The following PPM1A variants were observed in gnomAD, a reference collection of about 807,000 sequenced individuals.
PPM1A encodes protein phosphatase 1A.
PPM1A carries 7 observed loss-of-function variants against 35.0 expected under a neutral mutation model. The ratio of observed to expected loss-of-function variants is 0.20; its 90% CI spans 0.11 to 0.38. The LOEUF is 0.38. PPM1A is among the 10% of genes least tolerant of loss of function. The probability of loss-of-function intolerance (pLI) is 1.00; values close to 1 mark genes in which losing one functional copy is unlikely to be tolerated. For missense variants in PPM1A, 239 were observed against 467.8 expected (o/e 0.51, Z 4.51); for synonymous variants, 153 against 167.3 (o/e 0.91, Z 0.66).
At chr14:60,275,338 C>G (rs1479826382) in intron 1 of PPM1A, among the ~76,000 whole-genome samples, 3 of 151,878 alleles carry the variant, frequency 2.0e-5, no homozygotes, top group Non-Finnish European at 4.4e-5. Context: ...TACTGATGAA[C>G]CAGCTTTGTA....
At chr14:60,267,550 G>T (rs1884540075) in intron 1 of PPM1A, among the ~76,000 whole-genome samples, 1 of 151,942 alleles carries the variant, frequency 6.6e-6, no homozygotes, top group Admixed American at 6.6e-5. Flanking sequence ...AAATTTTATA[G>T]AAGGATTATG....
intron 1 of PPM1A, among the ~76,000 whole-genome samples, chr14:60,265,866 CA>C (rs140130724): frequency 6.6e-4 from 100 of 152,328 alleles, no homozygotes; most frequent in Non-Finnish European, 6.8e-4. Context: ...GAGCCTTCAT[CA>C]CCCAGTTACT....
In PPM1A at chr14:60,289,189, G is replaced by T. The variant is rs1294001214; in HGVS notation, c.953-617G>T. On this transcript the variant is annotated intron_variant, in intron 3 of 5. Transcript: ENST00000395076. This position sits in a 1 kb window ranked among gnomAD's most constrained non-coding sequence, Gnocchi z 4.1. ...AGGCTTTGTTGAAGTAATCAGTGAA[G>T]GAAATGGTATTATATATCTATACAG... Among the ~76,000 whole-genome samples, 1 of 151,984 alleles carries T rather than the reference G, an allele frequency of 6.6e-6. No individual in the cohort carries two copies. Among genetic ancestry groups the T allele is most frequent in the Admixed American group, 6.6e-5 (1 of 15,256 alleles).
chr14:60,256,015 A>G (rs1255614997), intron 1 of PPM1A, among the ~76,000 whole-genome samples: 1 of 152,272 alleles, frequency 6.6e-6, no homozygotes, highest in Non-Finnish European at 1.5e-5. Flanking sequence ...GATAACTATC[A>G]GCTGATTTAA....
chr14:60,251,475 G>A (rs188419137), intron 1 of PPM1A, among the ~76,000 whole-genome samples: 1 of 152,348 alleles, frequency 6.6e-6, no homozygotes, highest in East Asian at 1.9e-4. Flanking sequence ...GACAAGGATT[G>A]TTTAGTCATG....
rs1358772480 is a variant in PPM1A, at chr14:60,285,647, G to C, written c.858G>C (p.Val286=). The change falls in exon 3 of 6, where the codon GTG becomes GTC. Residue 286 remains valine (V), a synonymous_variant. Transcript: ENST00000395076. ...AGGGAAGTCGAGACAACATGAGTGT[G>C]ATTTTGATCTGTTTTCCAAATGCAC... The part of the protein sequence containing the change: ...LYKGSRDNMS[V]ILICFPNAPK... 6.2e-7 allele frequency: 1 copy of C among 1,613,698 alleles called. No homozygotes were observed. The highest frequency in any genetic ancestry group is 2.2e-5 in the East Asian group (1 of 44,870).
Position 60,292,326 on chromosome 14 carries a change from A to T in PPM1A, c.1120-127A>T, listed in dbSNP as rs897069622. ...GTACACATATATACTTATATACTTT[A>T]AAAAACATTTATATTCTAAAAGTCA... On this transcript the variant is annotated intron_variant, in intron 5 of 5. Coordinates refer to ENST00000395076, the MANE Select transcript of PPM1A (RefSeq NM_021003.5). The surrounding 1 kb of genome is among the most constrained non-coding windows in gnomAD (Gnocchi z 4.2). The T allele has an allele frequency of 9.0e-6, 6 of 665,570 alleles. No individual in the cohort carries two copies. Among genetic ancestry groups the T allele is most frequent in the South Asian group, 8.1e-5 (4 of 49,452 alleles). 41.2% of individuals were successfully genotyped at this position (665,570 alleles called of 1,614,324 possible).
At chr14:60,257,572 G>T (rs907432241) in intron 1 of PPM1A, among the ~76,000 whole-genome samples, 1 of 152,058 alleles carries the variant, frequency 6.6e-6, no homozygotes, top group African/African-American at 2.4e-5. Context: ...TACTTTAGGT[G>T]GCTTAATTAT....
chr14:60,284,498 C>T (rs910625501), intron 2 of PPM1A, among the ~76,000 whole-genome samples: 33 of 151,818 alleles, frequency 2.2e-4, no homozygotes, highest in African/African-American at 6.3e-4. Flanking sequence ...AAAAATTAGC[C>T]GGGTGTGGTG....
chr14:60,250,016 G>A (rs1282754568), intron 1 of PPM1A, among the ~76,000 whole-genome samples: 1 of 151,600 alleles, frequency 6.6e-6, no homozygotes, highest in Non-Finnish European at 1.5e-5. Flanking sequence ...TGGCCGGAGA[G>A]CGGCCTGCAG....
upstream of PPM1A, among the ~76,000 whole-genome samples, chr14:60,249,031 G>A (rs1286739066): frequency 6.6e-6 from 1 of 152,108 alleles, no homozygotes; most frequent in Non-Finnish European, 1.5e-5. This position sits in a 1 kb window ranked among gnomAD's most constrained non-coding sequence, Gnocchi z 4.5. Flanking sequence ...GGGTAAGGCA[G>A]TGACGTCATC....
chr14:60,272,422 A>G (rs1485358605), intron 1 of PPM1A, among the ~76,000 whole-genome samples: 1 of 152,124 alleles, frequency 6.6e-6, no homozygotes, highest in African/African-American at 2.4e-5. Context: ...TAAGACACAC[A>G]GGAGGCTGGT....
At chr14:60,272,042 A>G (rs1272355946) in intron 1 of PPM1A, among the ~76,000 whole-genome samples, 1 of 136,796 alleles carries the variant, frequency 7.3e-6, no homozygotes, top group Non-Finnish European at 1.6e-5. Context: ...AGGTATTTCC[A>G]TTTTTTTTTT....
intron 3 of PPM1A, chr14:60,287,997 G>A (rs1363530670): frequency 3.1e-6 from 3 of 980,282 alleles, no homozygotes; most frequent in Non-Finnish European, 3.6e-6. Context: ...AAAGCGTTCA[G>A]TCTTTTTACA....
chr14:60,278,599 T>C (rs1886036174), intron 1 of PPM1A, among the ~76,000 whole-genome samples: 1 of 152,190 alleles, frequency 6.6e-6, no homozygotes, highest in Non-Finnish European at 1.5e-5. Context: ...CGACAAAGAT[T>C]GAACTTCTTC....
chr14:60,290,924 G>GT (rs1887570193), intron 4 of PPM1A, among the ~76,000 whole-genome samples: 1 of 152,010 alleles, frequency 6.6e-6, no homozygotes, highest in Non-Finnish European at 1.5e-5. Flanking sequence ...ACTTGTCATG[G>GT]AAATGTCTTA....
upstream of PPM1A, chr14:60,249,145 A>G (rs1242551369): frequency 6.0e-6 from 5 of 831,912 alleles, no homozygotes; most frequent in South Asian, 1.6e-4. The surrounding 1 kb of genome is among the most constrained non-coding windows in gnomAD (Gnocchi z 4.5). Flanking sequence ...GCGGCGGCGG[A>G]GCCAGCGGGG....
intron 1 of PPM1A, among the ~76,000 whole-genome samples, chr14:60,260,680 C>A (rs1439103023): frequency 6.6e-6 from 1 of 152,126 alleles, no homozygotes; most frequent in Non-Finnish European, 1.5e-5. Flanking sequence ...TTAGCAGTCA[C>A]TCCCCATTCA....
chr14:60,277,537 C>T (rs780593871), intron 1 of PPM1A, among the ~76,000 whole-genome samples: 3 of 151,912 alleles, frequency 2.0e-5, no homozygotes, highest in Non-Finnish European at 2.9e-5. Context: ...TAATAATATA[C>T]TGTATATATT....
Sources: allele counts gnomAD v4.1 joint callset (sites outside exome capture counted in the v4.1 genomes callset), GRCh38; gene constraint gnomAD v4.1.1; non-coding constraint Gnocchi (gnomAD v3.1); transcripts MANE v1.5; gene names NCBI Gene and HGNC (gene_info 2026-07-23, HGNC 2026-07-21).